The following UBE2D3 variants were observed in gnomAD, a reference collection of about 807,000 sequenced individuals.
The protein encoded by UBE2D3 is ubiquitin conjugating enzyme E2 D3, also known as ubiquitin-conjugating enzyme E2 D3.
Under a neutral mutation model 22.8 loss-of-function variants are expected in UBE2D3, and 2 were observed. The observed-to-expected ratio is 0.09, with a 90% CI of 0.04 to 0.28. The LOEUF (loss-of-function observed/expected upper bound fraction) is 0.28, where lower values mean the gene tolerates loss of function less well. UBE2D3 is among the 10% of genes least tolerant of loss of function. UBE2D3 has a pLI of 1.00. For synonymous variants in UBE2D3, 56 were observed against 60.4 expected (o/e 0.93, Z 0.34); for missense variants, 27 against 182.5 (o/e 0.15, Z 4.91).
intron 1 of UBE2D3, among the ~76,000 whole-genome samples, chr4:102,843,083 G>A (rs997805805): frequency 2.6e-5 from 4 of 152,098 alleles, no homozygotes; most frequent in South Asian, 2.1e-4. Flanking sequence ...GCACTCCAGC[G>A]TGGGCAACAG....
intron 2 of UBE2D3, among the ~76,000 whole-genome samples, chr4:102,819,970 C>T (rs561689124): frequency 6.6e-6 from 1 of 152,220 alleles, no homozygotes; most frequent in South Asian, 2.1e-4. Flanking sequence ...TAAAAACAGC[C>T]CTTGCCTCAA....
intron 1 of UBE2D3, among the ~76,000 whole-genome samples, chr4:102,850,745 T>G (rs961451904): frequency 2.6e-5 from 4 of 152,190 alleles, no homozygotes; most frequent in Non-Finnish European, 5.9e-5. Context: ...GGAATACTAC[T>G]CAGCCATAAA....
intron 7 of UBE2D3, chr4:102,798,866 A>T: frequency 6.7e-7 from 1 of 1,487,754 alleles, no homozygotes; most frequent in Non-Finnish European, 9.4e-7. Flanking sequence ...GCCTTAACGC[A>T]TGCAGCACTC....
chr4:102,820,510 T>C (rs1432232391), intron 2 of UBE2D3, among the ~76,000 whole-genome samples: 1 of 152,182 alleles, frequency 6.6e-6, no homozygotes, highest in African/African-American at 2.4e-5. Context: ...TAGTCGTAAT[T>C]ATAGGTGAAA....
intron 7 of UBE2D3, among the ~76,000 whole-genome samples, chr4:102,798,149 T>C (rs1725495893): frequency 6.6e-6 from 1 of 151,246 alleles, no homozygotes; most frequent in Non-Finnish European, 1.5e-5. Context: ...CAACAGGTAA[T>C]TCACACACAA....
At chr4:102,867,629 T>C (rs1290487233) in intron 1 of UBE2D3, among the ~76,000 whole-genome samples, 1 of 152,084 alleles carries the variant, frequency 6.6e-6, no homozygotes, top group African/African-American at 2.4e-5. Context: ...TCCATCTACA[T>C]ACACACAAAA....
At chr4:102,798,082 TAA>T (rs1201565453) in intron 7 of UBE2D3, among the ~76,000 whole-genome samples, 6 of 151,654 alleles carry the variant, frequency 4.0e-5, no homozygotes, top group African/African-American at 1.2e-4. Flanking sequence ...TAACTGAGGC[TAA>T]TAAGCACCAC....
chr4:102,814,021 G>A (rs895179663), intron 2 of UBE2D3, among the ~76,000 whole-genome samples: 7 of 152,132 alleles, frequency 4.6e-5, no homozygotes, highest in African/African-American at 1.7e-4. Flanking sequence ...ACAATTTTAA[G>A]ACTGTATATC....
intron 1 of UBE2D3, among the ~76,000 whole-genome samples, chr4:102,848,761 G>T (rs899870256): frequency 2.6e-5 from 4 of 152,044 alleles, no homozygotes; most frequent in Non-Finnish European, 4.4e-5. Flanking sequence ...TGAGGCTGCA[G>T]TGAGCTATGG....
chr4:102,812,578 C>T (rs1215098026), intron 2 of UBE2D3: 1 of 152,188 alleles, frequency 6.6e-6, no homozygotes, highest in Non-Finnish European at 1.5e-5. Flanking sequence ...TCTTTCCCTG[C>T]AAAACTGAGG....
rs531021787 is a variant in UBE2D3, at chr4:102,851,250, T to C, written c.-129+17465A>G. Reference sequence around the variant, plus strand: ...CTTGAATCTAGCTATCTTTGTGACTTGCTTTGACCACAGAATGCAAATAGA... The same window carrying C: ...CTTGAATCTAGCTATCTTTGTGACTCGCTTTGACCACAGAATGCAAATAGA... On this transcript the variant is annotated intron_variant, in intron 1 of 7. Coordinates refer to the UBE2D3 transcript ENST00000338145. Among the ~76,000 whole-genome samples the C allele has an allele frequency of 7.2e-5, 11 of 152,356 alleles. No homozygotes were observed. The South Asian group carries it at 1.4e-3, about 20-fold the overall frequency.
At chr4:102,822,217 T>C (rs1049798765) in intron 2 of UBE2D3, among the ~76,000 whole-genome samples, 1 of 152,206 alleles carries the variant, frequency 6.6e-6, no homozygotes, top group Non-Finnish European at 1.5e-5. Flanking sequence ...GTATGCAGTG[T>C]CAGTAATGCA....
chr4:102,809,909 GCAAA>G (rs201465348), intron 2 of UBE2D3, 54 bp from the exon 3 acceptor site: 28 of 1,516,256 alleles, frequency 1.8e-5, no homozygotes, highest in South Asian at 1.6e-4. Flanking sequence ...AAGAAAACAA[GCAAA>G]TGAGTCCACT....
intron 1 of UBE2D3, among the ~76,000 whole-genome samples, chr4:102,861,605 G>A (rs372338560): frequency 6.6e-6 from 1 of 151,824 alleles, no homozygotes; most frequent in East Asian, 1.9e-4. Flanking sequence ...AAACTTCTGA[G>A]GTAATAAGAA....
At chr4:102,803,233 C>T (rs1455273853) in intron 4 of UBE2D3, among the ~76,000 whole-genome samples, 1 of 152,140 alleles carries the variant, frequency 6.6e-6, no homozygotes, top group African/African-American at 2.4e-5. Flanking sequence ...AATGATAGAA[C>T]CAAGATTCAA....
chr4:102,798,935 C>T lies in UBE2D3; in HGVS notation c.398+472G>A, dbSNP rs778871480. On this transcript the variant is annotated intron_variant, in intron 7 of 7. Transcript: ENST00000453744. ...GAGTGCAGATCCTCTTACCCTACAACATAGCGTATTTCTCTGTCCACTCTC... is the reference window on the plus strand; with the variant it reads ...GAGTGCAGATCCTCTTACCCTACAATATAGCGTATTTCTCTGTCCACTCTC... 2.3e-5 allele frequency: 37 copies of T among 1,611,806 alleles called. No individual in the cohort carries two copies. The Admixed American group carries it at 3.2e-4, about 14-fold the overall frequency.
intron 1 of UBE2D3, among the ~76,000 whole-genome samples, chr4:102,847,373 C>T (rs1732090051): frequency 1.3e-5 from 2 of 151,426 alleles, no homozygotes; most frequent in Admixed American, 1.3e-4. Context: ...GCAACCTCCA[C>T]CTCCCAGGTT....
chr4:102,826,586 C>A lies in UBE2D3; in HGVS notation c.-78G>T, dbSNP rs1285503029. 5 of 1,603,520 alleles carry A rather than the reference C, an allele frequency of 3.1e-6. No individual in the cohort carries two copies. The highest frequency in any genetic ancestry group is 2.2e-5 in the East Asian group (1 of 44,850). ...CGGCCAAAACTCTTGATTATCCCGGCGGCGGGGCAGGATTGTCTCGTCTCA... is the reference window on the plus strand; with the variant it reads ...CGGCCAAAACTCTTGATTATCCCGGAGGCGGGGCAGGATTGTCTCGTCTCA... On this transcript the variant is annotated 5_prime_UTR_variant, in exon 2 of 8. Transcript: ENST00000453744.
chr4:102,832,490 A>G (rs568229665), upstream of UBE2D3, among the ~76,000 whole-genome samples: 17 of 152,308 alleles, frequency 1.1e-4, no homozygotes, highest in Admixed American at 8.5e-4. Flanking sequence ...TGTGATAGCA[A>G]TGTTGAAGCA....
Sources: allele counts gnomAD v4.1 joint callset (sites outside exome capture counted in the v4.1 genomes callset), GRCh38; gene constraint gnomAD v4.1.1; transcripts MANE v1.5; gene names NCBI Gene and HGNC (gene_info 2026-07-23, HGNC 2026-07-21).